The following TBP variants were observed in gnomAD, a reference collection of about 807,000 sequenced individuals.
TBP encodes TATA-box binding protein, also known as TATA-box-binding protein.
In TBP, 12 loss-of-function variants were observed where a neutral mutation model predicts 46.2. The observed-to-expected ratio is 0.26, with a 90% CI of 0.17 to 0.42. The LOEUF is 0.42. TBP is among the 10% of genes least tolerant of loss of function. The pLI, the probability that TBP is intolerant of heterozygous loss-of-function variation, is 1.00. For missense variants in TBP, 229 were observed against 403.1 expected, an observed-to-expected ratio of 0.57 and a Z score of 3.70; for synonymous variants, 157 against 148.3, an observed-to-expected ratio of 1.06 and a Z score of -0.42.
intron 2 of TBP, 67 bp downstream of exon 2, chr6:170,557,150 G>A: frequency 1.4e-6 from 2 of 1,388,824 alleles, no homozygotes; most frequent in Non-Finnish European, 2.0e-6. Flanking sequence ...GTATCAAAAG[G>A]CAAGGAAGGG....
At position 170,561,925 on chromosome 6, in the gene TBP, A is replaced by ACAG. The variant is rs113202486; in HGVS notation, c.213_215dup (p.Gln95dup). The ACAG allele has an allele frequency of 0.048, 46,828 of 979,026 alleles. 3,426 individuals carry two copies. The highest frequency in any genetic ancestry group is 0.062 in the Middle Eastern group (234 of 3,756). The allele number at this position is 979,026 out of a possible 1,614,324, so 60.6% of individuals were successfully genotyped here. A position where few individuals can be genotyped will look rare whatever the true frequency, so the allele number is the denominator to read the frequency against. ...AACAAAGGCAGCAGCAGCAACAACAACAGCAGCAGCAGCAGCAGCAGCAGC... is the reference window on the plus strand; with the variant it reads ...AACAAAGGCAGCAGCAGCAACAACAACAGCAGCAGCAGCAGCAGCAGCAGCAGC... On this transcript the variant is annotated inframe_insertion, in exon 3 of 8. Transcript: ENST00000392092.
chr6:170,554,548 G>C (rs935292613), intron 1 of TBP, 85 bp downstream of exon 1: 5 of 152,706 alleles, frequency 3.3e-5, no homozygotes, highest in Admixed American at 6.5e-5. Context: ...GAAGAGACTA[G>C]GAATTGGCGC....
chr6:170,557,651 G>C (rs1225518703), intron 2 of TBP, among the ~76,000 whole-genome samples: 1 of 140,300 alleles, frequency 7.1e-6, no homozygotes, highest in African/African-American at 2.7e-5. Flanking sequence ...AAGGAGAATT[G>C]CTTGAACCCG....
Position 170,572,301 on chromosome 6 carries a change from C to CTTTTT in TBP, c.*45_*49dup. 1 of 1,210,100 alleles carries CTTTTT rather than the reference C, an allele frequency of 8.3e-7. No individual in the cohort carries two copies. Among genetic ancestry groups the CTTTTT allele is most frequent in the Non-Finnish European group, 1.2e-6 (1 of 867,020 alleles). 75.0% of individuals were successfully genotyped at this position (1,210,100 alleles called of 1,614,324 possible). ...GTACCCTTGCCTCCCCCACCCCCTTCTTTTTTTTTTTTTAAACAAATCAGT... is the reference window on the plus strand; with the variant it reads ...GTACCCTTGCCTCCCCCACCCCCTTCTTTTTTTTTTTTTTTTTTAAACAAATCAGT... On this transcript the variant is annotated 3_prime_UTR_variant, in exon 8 of 8. Coordinates refer to ENST00000392092, the MANE Select transcript of TBP (RefSeq NM_003194.5).
Position 170,571,397 on chromosome 6 carries a change from A to G in TBP, c.846-13A>G, listed in dbSNP as rs1324797130. ...GCTCTTGATTTCTAAACTTTTTGCA[A>G]TTTTCCTTCTAGTTATGAGCCAGAG... On this transcript the variant is annotated splice_polypyrimidine_tract_variant and intron_variant, in intron 6 of 7. Coordinates refer to ENST00000392092, the MANE Select transcript of TBP (RefSeq NM_003194.5). 1.2e-6 allele frequency: 2 copies of G among 1,603,676 alleles called. No individual in the cohort carries two copies. The highest frequency in any genetic ancestry group is 1.1e-5 in the South Asian group (1 of 89,828).
chr6:170,572,084 G>A (rs1779375566), intron 7 of TBP, 102 bp from the exon 8 acceptor site: 3 of 875,788 alleles, frequency 3.4e-6, no homozygotes, highest in African/African-American at 1.7e-5. Context: ...ACTGGGTATG[G>A]TGAGAATTGT....
At chr6:170,567,653 C>T (rs1325382431) in intron 5 of TBP, 1 of 152,154 alleles carries the variant, frequency 6.6e-6, no homozygotes, top group South Asian at 2.1e-4. Flanking sequence ...GCTTTGCAGA[C>T]CTTATTGGGC....
In TBP at chr6:170,572,313, TTA is replaced by T. The variant is rs1173555178; in HGVS notation, c.*49_*50del. On this transcript the variant is annotated 3_prime_UTR_variant, in exon 8 of 8. Transcript: ENST00000392092. The stretch of plus-strand genomic sequence containing the variant: ...CCCCCACCCCCTTCTTTTTTTTTTT[TTA>T]AACAAATCAGTTTGTTTTGGTACCT... 2.8e-6 allele frequency: 4 copies of T among 1,427,662 alleles called. No individual in the cohort carries two copies. Among genetic ancestry groups the T allele is most frequent in the Non-Finnish European group, 3.9e-6 (4 of 1,027,302 alleles). 88.4% of individuals were successfully genotyped at this position (1,427,662 alleles called of 1,614,324 possible). A position where few individuals can be genotyped will look rare whatever the true frequency, so the allele number is the denominator to read the frequency against.
intron 7 of TBP, among the ~76,000 whole-genome samples, chr6:170,571,967 C>T (rs887972297): frequency 7.3e-5 from 11 of 151,598 alleles, no homozygotes; most frequent in South Asian, 4.2e-4. Context: ...TAGAATGAGA[C>T]GCTGGAGTCA....
chr6:170,557,759 A>AAG (rs1779057855), intron 2 of TBP, among the ~76,000 whole-genome samples: 4 of 151,312 alleles, frequency 2.6e-5, no homozygotes, highest in Non-Finnish European at 5.9e-5. Flanking sequence ...AAAAAAAAAA[A>AAG]ATCAATAACT....
At chr6:170,566,572 A>G (rs1216362828) in intron 4 of TBP, among the ~76,000 whole-genome samples, 1 of 152,240 alleles carries the variant, frequency 6.6e-6, no homozygotes, top group Non-Finnish European at 1.5e-5. Flanking sequence ...TATAGTCATG[A>G]TAAGCAGCAA....
rs544585467 is a variant in TBP at position 170,557,723 on chromosome 6, G to A, written c.54+640G>A. 2.7e-3 allele frequency among the ~76,000 whole-genome samples: 285 copies of A among 104,788 alleles called. 1 individual carries two copies. The highest frequency in any genetic ancestry group is 3.7e-3 in the South Asian group (11 of 2,956). 68.7% of individuals were successfully genotyped at this position (104,788 alleles called of 152,430 possible). On this transcript the variant is annotated intron_variant, in intron 2 of 7. Transcript: ENST00000392092. The stretch of plus-strand genomic sequence containing the variant: ...TGCACTCCAGCCTGGGAGACAGAGC[G>A]AGACTCTGTCTCAAAAAAAAAAAAA...
In TBP at chr6:170,568,819, T is replaced by TC. The variant is rs1779319732; in HGVS notation, c.678-793_678-792insC. Among the ~76,000 whole-genome samples the TC allele has an allele frequency of 6.8e-5, 7 of 103,242 alleles. 1 individual carries two copies. The highest frequency in any genetic ancestry group is 2.7e-4 in the Admixed American group (3 of 11,134). 67.7% of individuals were successfully genotyped at this position (103,242 alleles called of 152,430 possible). A position where few individuals can be genotyped will look rare whatever the true frequency, so the allele number is the denominator to read the frequency against. ...CTTCTTTCTTTCTTTCCTTTTCTTTTTTTTTTTTTTTTTTTTTTTTTTTGG... is the reference window on the plus strand; with the variant it reads ...CTTCTTTCTTTCTTTCCTTTTCTTTTCTTTTTTTTTTTTTTTTTTTTTTTGG... On this transcript the variant is annotated intron_variant, in intron 5 of 7. Coordinates refer to ENST00000392092, the MANE Select transcript of TBP (RefSeq NM_003194.5).
rs945965335 is a variant in TBP at position 170,572,487 on chromosome 6, C to T, written c.*222C>T. The T allele has an allele frequency of 1.7e-4, 95 of 573,666 alleles. No homozygotes were observed. Among genetic ancestry groups the T allele is most frequent in the African/African-American group, 1.6e-3 (86 of 53,406 alleles). The allele number at this position is 573,666 out of a possible 1,614,324, so 35.5% of individuals were successfully genotyped here. A position where few individuals can be genotyped will look rare whatever the true frequency, so the allele number is the denominator to read the frequency against. ...CCGCGCAGCGTGACTGTGAGTTGCT[C>T]ATACCGTGCTGCTATCTGGGCAGCG... On this transcript the variant is annotated 3_prime_UTR_variant, in exon 8 of 8. Transcript: ENST00000392092.
At chr6:170,571,825 G>T (rs1195409504) in intron 7 of TBP, among the ~76,000 whole-genome samples, 1 of 151,966 alleles carries the variant, frequency 6.6e-6, no homozygotes, top group Non-Finnish European at 1.5e-5. Context: ...AAGAAAGGAA[G>T]ATTCAGAAAT....
In TBP at chr6:170,572,271, C is replaced by T. The variant is rs185477204; in HGVS notation, c.*6C>T. ...GATTCAGGAAGACGACGTAATGGCTCTCATGTACCCTTGCCTCCCCCACCC... is the reference window on the plus strand; with the variant it reads ...GATTCAGGAAGACGACGTAATGGCTTTCATGTACCCTTGCCTCCCCCACCC... On this transcript the variant is annotated 3_prime_UTR_variant, in exon 8 of 8. Coordinates refer to ENST00000392092, the MANE Select transcript of TBP (RefSeq NM_003194.5). 208 of 1,605,634 alleles carry T rather than the reference C, an allele frequency of 1.3e-4. No homozygotes were observed. In the Admixed American group the frequency reaches 1.9e-3, roughly 15 times the overall value.
intron 1 of TBP, among the ~76,000 whole-genome samples, chr6:170,555,488 C>T (rs140075049): frequency 1.1e-4 from 17 of 152,328 alleles, no homozygotes; most frequent in Admixed American, 1.1e-3. Flanking sequence ...TCTATACAGT[C>T]ATACTAAGCT....
rs760551718 is a variant in TBP at position 170,561,966 on chromosome 6, AGCAGCAGCAGCAGCAGCAGCAG to A, written c.231_252del (p.Gln77HisfsTer60). Reference sequence around the variant, plus strand: ...CAGCAGCAGCAACAGCAACAGCAGCAGCAGCAGCAGCAGCAGCAGCAGCAGCAGCAGCAGCAGCAGCAGCAGC... The same window carrying A: ...CAGCAGCAGCAACAGCAACAGCAGCACAGCAGCAGCAGCAGCAGCAGCAGC... On this transcript the variant is annotated frameshift_variant, in exon 3 of 8. Coordinates refer to ENST00000392092, the MANE Select transcript of TBP (RefSeq NM_003194.5). LOFTEE classifies it high-confidence loss of function. 1.6e-3 allele frequency: 2,039 copies of A among 1,292,438 alleles called. 8 individuals carry two copies. In the Middle Eastern group the frequency reaches 0.022, roughly 14 times the overall value. The allele number at this position is 1,292,438 out of a possible 1,614,324, so 80.1% of individuals were successfully genotyped here. A position where few individuals can be genotyped will look rare whatever the true frequency, so the allele number is the denominator to read the frequency against.
At position 170,557,204 on chromosome 6, in the gene TBP, A is replaced by AG. The variant is rs77068267; in HGVS notation, c.54+122dup. ...TGAAAATGGTTTAATATGTTTTTTAAGCCTTATTTTGTTGAGAAGTTCTAT... is the reference window on the plus strand; with the variant it reads ...TGAAAATGGTTTAATATGTTTTTTAAGGCCTTATTTTGTTGAGAAGTTCTAT... On this transcript the variant is annotated intron_variant, in intron 2 of 7. Coordinates refer to ENST00000392092, the MANE Select transcript of TBP (RefSeq NM_003194.5). 9.2e-5 allele frequency: 87 copies of AG among 949,604 alleles called. 1 individual carries two copies. The East Asian group carries it at 2.2e-3, about 24-fold the overall frequency. The allele number at this position is 949,604 out of a possible 1,614,324, so 58.8% of individuals were successfully genotyped here. A position where few individuals can be genotyped will look rare whatever the true frequency, so the allele number is the denominator to read the frequency against.
Sources: allele counts gnomAD v4.1 joint callset (sites outside exome capture counted in the v4.1 genomes callset), GRCh38; gene constraint gnomAD v4.1.1; transcripts MANE v1.5; gene names NCBI Gene and HGNC (gene_info 2026-07-23, HGNC 2026-07-21).